Variants in FAM13A observed in about 807,000 individuals in gnomAD.
FAM13A encodes protein FAM13A.
Under a neutral mutation model 129.6 loss-of-function variants are expected in FAM13A, and 76 were observed. That is an observed-to-expected ratio of 0.59 (90% CI 0.49 to 0.71). The LOEUF is 0.71. FAM13A is among the 30% of genes least tolerant of loss of function. The pLI, the probability that FAM13A is intolerant of heterozygous loss-of-function variation, is 0.00. For synonymous variants in FAM13A, 443 were observed against 449.9 expected (o/e 0.98, Z 0.20); for missense variants, 1,108 against 1,249.3 (o/e 0.89, Z 1.70).
At chr4:88,860,547 T>C (rs913755509) in intron 6 of FAM13A, among the ~76,000 whole-genome samples, 5 of 152,202 alleles carry the variant, frequency 3.3e-5, no homozygotes, top group African/African-American at 1.2e-4. Context: ...CCCTCAATAA[T>C]AGTGAAGGGA....
At chr4:88,747,055 ATG>A in intron 18 of FAM13A, 40 bp from the exon 19 acceptor site, 1 of 1,361,940 alleles carries the variant, frequency 7.3e-7, no homozygotes, top group Non-Finnish European at 1.0e-6. Flanking sequence ...AGAGAGGAAA[ATG>A]TGTGTGAACA....
chr4:88,880,143 T>G (rs1743279316), intron 6 of FAM13A, among the ~76,000 whole-genome samples: 2 of 152,096 alleles, frequency 1.3e-5, no homozygotes, highest in Non-Finnish European at 2.9e-5. Flanking sequence ...CACTGTGAAC[T>G]TTTGCTCCTA....
rs568708508 is a variant in FAM13A, at chr4:88,938,779, A to T, written c.606-538T>A. ...TGTACTTAAAATTATTCACAATAAAAATAGTTGAAAATATATCTGAATACA... is the reference window on the plus strand; with the variant it reads ...TGTACTTAAAATTATTCACAATAAATATAGTTGAAAATATATCTGAATACA... On this transcript the variant is annotated intron_variant, in intron 4 of 23. Transcript: ENST00000264344. Among the ~76,000 whole-genome samples the T allele has an allele frequency of 4.6e-5, 7 of 152,326 alleles. No homozygotes were observed. The East Asian group carries it at 1.2e-3, about 25-fold the overall frequency.
chr4:88,770,271 T>G (rs751793366), intron 11 of FAM13A, among the ~76,000 whole-genome samples: 58 of 152,248 alleles, frequency 3.8e-4, no homozygotes, highest in Non-Finnish European at 8.8e-5. Context: ...GTGACTTTCC[T>G]GATGAAGAGG....
chr4:88,734,683 AGG>A (rs1443134771), intron 21 of FAM13A, among the ~76,000 whole-genome samples: 1 of 152,172 alleles, frequency 6.6e-6, no homozygotes, highest in African/African-American at 2.4e-5. Context: ...CGACTGGTGA[AGG>A]GGTGGTGGTG....
At chr4:89,047,246 T>C (rs533449431) in intron 1 of FAM13A, among the ~76,000 whole-genome samples, 1 of 152,322 alleles carries the variant, frequency 6.6e-6, no homozygotes, top group South Asian at 2.1e-4. Flanking sequence ...TAGAAGGACA[T>C]ACACAAATAT....
intron 3 of FAM13A, among the ~76,000 whole-genome samples, chr4:89,000,641 C>G (rs1390523668): frequency 1.3e-5 from 2 of 152,114 alleles, no homozygotes; most frequent in African/African-American, 4.8e-5. Context: ...TCAAAAACCA[C>G]TGAATTGTAC....
chr4:89,054,896 CCATT>C (rs1772032027), intron 1 of FAM13A, among the ~76,000 whole-genome samples: 1 of 152,062 alleles, frequency 6.6e-6, no homozygotes, highest in Admixed American at 6.6e-5. Context: ...CTCTTTGAAC[CCATT>C]CATTCACTTT....
chr4:88,957,312 G>A (rs1201956211), intron 4 of FAM13A, among the ~76,000 whole-genome samples: 4 of 151,738 alleles, frequency 2.6e-5, no homozygotes, highest in Non-Finnish European at 5.9e-5. Flanking sequence ...CTGCATGACA[G>A]AGCGAGACTC....
intron 8 of FAM13A, among the ~76,000 whole-genome samples, chr4:88,791,864 A>T (rs1725238669): frequency 6.6e-6 from 1 of 151,996 alleles, no homozygotes; most frequent in Non-Finnish European, 1.5e-5. Flanking sequence ...ATTTTCTTTC[A>T]TCACACTCCC....
chr4:88,902,540 C>A (rs974515153), intron 6 of FAM13A, among the ~76,000 whole-genome samples: 1 of 151,692 alleles, frequency 6.6e-6, no homozygotes, highest in Non-Finnish European at 1.5e-5. Context: ...GCAGAAGGGG[C>A]CTTTGATAAA....
intron 19 of FAM13A, among the ~76,000 whole-genome samples, chr4:88,739,638 A>T (rs960807784): frequency 1.4e-5 from 2 of 143,660 alleles, no homozygotes; most frequent in African/African-American, 5.3e-5. Context: ...AAAAAAAAAA[A>T]TTAGCTGAGT....
intron 4 of FAM13A, among the ~76,000 whole-genome samples, chr4:88,985,440 A>T (rs1762113950): frequency 6.6e-6 from 1 of 152,228 alleles, no homozygotes; most frequent in Non-Finnish European, 1.5e-5. Context: ...TCACATGGCA[A>T]ATTGTACGGT....
chr4:88,853,421 C>T (rs1737954377), intron 6 of FAM13A, among the ~76,000 whole-genome samples: 1 of 152,040 alleles, frequency 6.6e-6, no homozygotes, highest in Non-Finnish European at 1.5e-5. Flanking sequence ...ATAGCAAGAA[C>T]ATGAAAGTAA....
intron 6 of FAM13A, among the ~76,000 whole-genome samples, chr4:88,883,293 G>T (rs938824739): frequency 6.6e-6 from 1 of 151,890 alleles, no homozygotes; most frequent in Admixed American, 6.6e-5. Context: ...AATTTAAGAA[G>T]ATTGAAATAT....
chr4:88,936,160 T>G (rs1171353577), intron 5 of FAM13A: 1 of 152,212 alleles, frequency 6.6e-6, no homozygotes, highest in African/African-American at 2.4e-5. Flanking sequence ...ACCTAGTCAC[T>G]CAAGGATTTC....
intron 6 of FAM13A, among the ~76,000 whole-genome samples, chr4:88,875,620 T>A (rs1294484472): frequency 6.6e-6 from 1 of 152,094 alleles, no homozygotes; most frequent in East Asian, 1.9e-4. Context: ...AAAATGGCGA[T>A]CATTAAAAAG....
intron 4 of FAM13A, among the ~76,000 whole-genome samples, chr4:88,981,167 A>C (rs1761620818): frequency 6.6e-6 from 1 of 152,180 alleles, no homozygotes; most frequent in African/African-American, 2.4e-5. Context: ...CACAAGACGC[A>C]GAGATATGAA....
intron 11 of FAM13A, among the ~76,000 whole-genome samples, chr4:88,777,475 G>C (rs62308736): frequency 1.8e-4 from 27 of 152,260 alleles, no homozygotes; most frequent in Non-Finnish European, 3.2e-4. Context: ...GAAAGGGAAA[G>C]GTTGAAATTG....
Sources: gnomAD v4.1 joint callset for allele counts (sites outside exome capture counted in the v4.1 genomes callset) on GRCh38, gnomAD v4.1.1 for gene constraint, MANE v1.5 for transcripts, NCBI Gene and HGNC (gene_info 2026-07-23, HGNC 2026-07-21) for gene names.